AGBL4: variants seen among roughly 807,000 people sequenced by gnomAD.
AGBL4 encodes the protein AGBL carboxypeptidase 4.
In AGBL4, 58 loss-of-function variants were observed where a neutral mutation model predicts 66.4. That is an observed-to-expected ratio of 0.87 (90% confidence interval 0.71 to 1.09). The LOEUF is 1.09. Ranked by LOEUF, AGBL4 falls within the 50% of genes least tolerant of loss-of-function variation. AGBL4 has a pLI of 0.00. For synonymous variants in AGBL4, 234 were observed against 222.9 expected (o/e 1.05, Z -0.44); for missense variants, 579 against 631.0 (o/e 0.92, Z 0.88).
intron 3 of AGBL4, among the ~76,000 whole-genome samples, chr1:49,372,675 CTTTCTCTT>C (rs1349219034): frequency 3.7e-5 from 4 of 107,742 alleles, no homozygotes; most frequent in East Asian, 2.6e-4. Context: ...TTCTTTCTTT[CTTTCTCTT>C]TCTTTCTCTT....
At chr1:49,877,944 T>C (rs1213313600) in intron 1 of AGBL4, among the ~76,000 whole-genome samples, 12 of 152,236 alleles carry the variant, frequency 7.9e-5, no homozygotes, top group Middle Eastern at 3.4e-3. Context: ...AGTTTATTTG[T>C]GTAGAGGTGT....
chr1:48,721,591 A>C (rs1268814743), intron 6 of AGBL4, among the ~76,000 whole-genome samples: 1 of 152,202 alleles, frequency 6.6e-6, no homozygotes, highest in African/African-American at 2.4e-5. Context: ...TCCTCACAGA[A>C]CAATCAGTGT....
chr1:49,699,497 A>C (rs143846568), intron 2 of AGBL4, among the ~76,000 whole-genome samples: 1 of 152,060 alleles, frequency 6.6e-6, no homozygotes, highest in Non-Finnish European at 1.5e-5. Context: ...TAGGTAGGAC[A>C]AATATAACAC....
chr1:49,916,078 A>G (rs939473816), intron 1 of AGBL4, among the ~76,000 whole-genome samples: 4 of 152,206 alleles, frequency 2.6e-5, no homozygotes, highest in Non-Finnish European at 5.9e-5. Flanking sequence ...CCAAAACCCC[A>G]TCTGTACGTC....
chr1:49,524,122 C>T (rs1283243151), intron 3 of AGBL4, among the ~76,000 whole-genome samples: 1 of 152,064 alleles, frequency 6.6e-6, no homozygotes, highest in African/African-American at 2.4e-5. Flanking sequence ...CACCACCTAC[C>T]TCCTTCATAC....
intron 9 of AGBL4, among the ~76,000 whole-genome samples, chr1:48,600,498 G>C (rs1569954330): frequency 6.6e-6 from 1 of 152,192 alleles, no homozygotes; most frequent in South Asian, 2.1e-4. Flanking sequence ...CAAGCAGTCT[G>C]GCTCTGCAAT....
At chr1:49,828,896 C>T (rs1437122762) in intron 2 of AGBL4, among the ~76,000 whole-genome samples, 2 of 151,894 alleles carry the variant, frequency 1.3e-5, no homozygotes, top group East Asian at 3.9e-4. Context: ...CGGTGAAACC[C>T]GTCTCTACTA....
Position 49,948,414 on chromosome 1 carries a change from G to T in AGBL4, c.34+75349C>A, listed in dbSNP as rs865780079. Among the ~76,000 whole-genome samples, 836 of 83,872 alleles carry T rather than the reference G, an allele frequency of 1.0e-2. 8 individuals are homozygous for T. The highest frequency in any genetic ancestry group is 0.038 in the African/African-American group (779 of 20,664). The allele number at this position is 83,872 out of a possible 152,430, so 55.0% of individuals were successfully genotyped here. On this transcript the variant is annotated intron_variant, in intron 1 of 13. Coordinates refer to ENST00000371839, the MANE Select transcript of AGBL4 (RefSeq NM_032785.4). ...AAATATATAAATATATATAAATATA[G>T]ATAAATATAGATAAATATATAAATA...
rs1650268969 is a variant in AGBL4 at position 49,231,003 on chromosome 1, T to C, written c.377+14767A>G. 2.0e-5 allele frequency among the ~76,000 whole-genome samples: 3 copies of C among 152,228 alleles called. No individual in the cohort carries two copies. In the South Asian group the frequency reaches 6.2e-4, roughly 32 times the overall value. On this transcript the variant is annotated intron_variant, in intron 4 of 13. Transcript: ENST00000371839. ...TTCTAGAATGGGTAAAAAAAACAGGTCTGGTAATAAAAGCAGACATTCATA... is the reference window on the plus strand; with the variant it reads ...TTCTAGAATGGGTAAAAAAAACAGGCCTGGTAATAAAAGCAGACATTCATA...
chr1:49,933,981 C>A (rs1210195252), intron 1 of AGBL4, among the ~76,000 whole-genome samples: 1 of 152,032 alleles, frequency 6.6e-6, no homozygotes, highest in Admixed American at 6.6e-5. Flanking sequence ...TATAATAAAA[C>A]AAGATCCAAG....
At chr1:48,742,604 A>C in intron 6 of AGBL4, 1 of 1,520,164 alleles carries the variant, frequency 6.6e-7, no homozygotes, top group Non-Finnish European at 8.9e-7. Flanking sequence ...GGGAATGGAT[A>C]TTGAGCTTAA....
intron 6 of AGBL4, among the ~76,000 whole-genome samples, chr1:48,859,576 A>G (rs1257276207): frequency 6.6e-6 from 1 of 152,214 alleles, no homozygotes; most frequent in African/African-American, 2.4e-5. Flanking sequence ...GTGAACCCCA[A>G]CTAAGACACC....
chr1:49,783,367 T>C (rs888112962), intron 2 of AGBL4, among the ~76,000 whole-genome samples: 1 of 152,080 alleles, frequency 6.6e-6, no homozygotes, highest in Non-Finnish European at 1.5e-5. Flanking sequence ...TGCAAGGTTG[T>C]TTGAAAATAA....
In AGBL4 at chr1:48,975,208, G is replaced by A. The variant is rs577426427; in HGVS notation, c.594+70376C>T. Reference sequence around the variant, plus strand: ...ATAAGTTGCTATATTTTGTACTAAAGAAGCACAATGACAGGTGGGCCTTTC... The same window carrying A: ...ATAAGTTGCTATATTTTGTACTAAAAAAGCACAATGACAGGTGGGCCTTTC... On this transcript the variant is annotated intron_variant, in intron 5 of 13. Transcript: ENST00000371839. Among the ~76,000 whole-genome samples, 3 of 152,274 alleles carry A rather than the reference G, an allele frequency of 2.0e-5. No homozygotes were observed. In the South Asian group the frequency reaches 6.2e-4, roughly 32 times the overall value.
chr1:48,549,793 A>T (rs984239067), intron 11 of AGBL4, among the ~76,000 whole-genome samples: 13 of 151,994 alleles, frequency 8.6e-5, no homozygotes, highest in African/African-American at 3.1e-4. Context: ...GAGAGATATA[A>T]ATGTAGGCAA....
intron 6 of AGBL4, among the ~76,000 whole-genome samples, chr1:48,725,044 C>T (rs1647211354): frequency 6.6e-6 from 1 of 152,282 alleles, no homozygotes; most frequent in South Asian, 2.1e-4. Context: ...TGCAGCTGAA[C>T]AGCATTTGGT....
At chr1:49,759,267 C>A (rs1488478649) in intron 2 of AGBL4, among the ~76,000 whole-genome samples, 1 of 152,152 alleles carries the variant, frequency 6.6e-6, no homozygotes, top group Non-Finnish European at 1.5e-5. Flanking sequence ...CTCTTTACCT[C>A]TCTGTAGTTT....
At chr1:49,343,015 C>G (rs1428254624) in intron 3 of AGBL4, among the ~76,000 whole-genome samples, 1 of 152,020 alleles carries the variant, frequency 6.6e-6, no homozygotes, top group Non-Finnish European at 1.5e-5. Context: ...GTCAGATTAA[C>G]TAAAAGTGGA....
At chr1:49,948,355 A>T (rs1186646634) in intron 1 of AGBL4, among the ~76,000 whole-genome samples, 4 of 116,270 alleles carry the variant, frequency 3.4e-5, no homozygotes, top group Non-Finnish European at 6.5e-5. Flanking sequence ...AATATATATA[A>T]ATATATAAAT....
Sources: gnomAD v4.1 joint callset for allele counts (sites outside exome capture counted in the v4.1 genomes callset) on GRCh38, gnomAD v4.1.1 for gene constraint, MANE v1.5 for transcripts, NCBI Gene and HGNC (gene_info 2026-07-23, HGNC 2026-07-21) for gene names.